DNAH8: variants seen among roughly 807,000 people sequenced by gnomAD.
DNAH8 encodes the protein axonemal beta dynein heavy chain 8.
Under a neutral mutation model 562.1 loss-of-function variants are expected in DNAH8, and 382 were observed. That is an observed-to-expected ratio of 0.68 (90% CI 0.63 to 0.74). DNAH8 has a LOEUF of 0.74. DNAH8 is among the 30% of genes least tolerant of loss of function. The pLI is 0.00. For synonymous variants in DNAH8, 1,881 were observed against 1,919.4 expected (o/e 0.98, Z 0.52); for missense variants, 5,203 against 5,620.4 (o/e 0.93, Z 2.37).
At chr6:38,923,273 C>T in intron 72 of DNAH8, 88 bp downstream of exon 72, 1 of 1,509,828 alleles carries the variant, frequency 6.6e-7, no homozygotes, top group South Asian at 1.2e-5. Flanking sequence ...TCTCTGAATC[C>T]CATCATCTAT....
chr6:38,851,636 G>A lies in DNAH8; in HGVS notation c.5428G>A (p.Glu1810Lys). ...FFFVSDPVLL[E>K]ILGQASDSHT... ...CTTTGTATCTGATCCAGTTCTCCTGGAAATTCTTGGACAAGCCAGTGATTC... is the reference window on the plus strand; with the variant it reads ...CTTTGTATCTGATCCAGTTCTCCTGAAAATTCTTGGACAAGCCAGTGATTC... Residue 1810 changes from glutamate to lysine, a missense_variant, in exon 39 of 93, where the codon GAA becomes AAA. Transcript: ENST00000327475. The A allele has an allele frequency of 6.2e-7, 1 of 1,611,784 alleles. No homozygotes were observed. The highest frequency in any genetic ancestry group is 8.5e-7 in the Non-Finnish European group (1 of 1,179,168).
intron 60 of DNAH8, 140 bp from the exon 61 acceptor site, chr6:38,898,118 G>T: frequency 1.3e-6 from 1 of 751,138 alleles, no homozygotes; most frequent in Non-Finnish European, 2.0e-6. Flanking sequence ...AGACTAATAC[G>T]TGAGAAACCT....
chr6:38,982,194 C>T (rs571406774), intron 85 of DNAH8, 152 bp from the exon 86 acceptor site: 24 of 592,492 alleles, frequency 4.1e-5, no homozygotes, highest in East Asian at 2.0e-4. Context: ...CATCATTAAG[C>T]GACATGAATG....
At chr6:38,884,066 G>A (rs1778723932) in intron 56 of DNAH8, 68 bp downstream of exon 56, 4 of 978,490 alleles carry the variant, frequency 4.1e-6, no homozygotes, top group Non-Finnish European at 5.3e-6. Flanking sequence ...TTATATATAT[G>A]TAAATGTTAA....
At chr6:38,962,373 A>C (rs1294922219) in intron 82 of DNAH8, among the ~76,000 whole-genome samples, 1 of 152,190 alleles carries the variant, frequency 6.6e-6, no homozygotes, top group African/African-American at 2.4e-5. Flanking sequence ...ATGGGGAACC[A>C]GCACCACCAG....
At chr6:38,745,485 A>T (rs1764850912) in intron 8 of DNAH8, among the ~76,000 whole-genome samples, 1 of 152,230 alleles carries the variant, frequency 6.6e-6, no homozygotes, top group Admixed American at 6.5e-5. Context: ...GTCAACCAGG[A>T]TAGTACAGAG....
At chr6:38,761,651 A>C (rs1207691317) in intron 10 of DNAH8, 51 bp from the exon 11 acceptor site, 1 of 1,067,130 alleles carries the variant, frequency 9.4e-7, no homozygotes, top group Non-Finnish European at 1.3e-6. Context: ...TTATATATAA[A>C]TGTTATTTCT....
chr6:38,794,981 T>A (rs1770092622), intron 21 of DNAH8, among the ~76,000 whole-genome samples: 1 of 152,240 alleles, frequency 6.6e-6, no homozygotes, highest in South Asian at 2.1e-4. Context: ...TTTTTAGAGT[T>A]TGTCTCTGAA....
rs749220616 is a variant in DNAH8 at position 38,715,358 on chromosome 6, G to T, written c.-92G>T. ...GCAGCTCCCCCGGGGCAGCGCAACC[G>T]CTGGGGCCGGCCTCAGTGGGCTGAG... is the stretch of plus-strand genomic sequence containing the variant. On this transcript the variant is annotated 5_prime_UTR_variant, in exon 1 of 93. Coordinates refer to ENST00000327475, the MANE Select transcript of DNAH8 (RefSeq NM_001206927.2). The T allele has an allele frequency of 6.6e-6, 1 of 152,324 alleles. No homozygotes were observed. The highest frequency in any genetic ancestry group is 2.4e-5 in the African/African-American group (1 of 41,462). The allele number at this position is 152,324 out of a possible 1,614,324, so 9.4% of individuals were successfully genotyped here.
rs780074019 is a variant in DNAH8 at position 38,931,829 on chromosome 6, G to T, written c.11293G>T (p.Glu3765Ter). ...TATGTAGGTGAAAGTCGGTGATAAG[G>T]AATGTGATATCATGGATACATTTAA... Reference protein sequence around the residue: ...TTFKVKVGDKECDIMDTFKLY... With the variant: ...TTFKVKVGDK Residue 3765 changes from glutamate (E) to a stop codon, truncating the protein, a stop_gained, in exon 76 of 93, where the codon GAA becomes TAA. Coordinates refer to ENST00000327475, the MANE Select transcript of DNAH8 (RefSeq NM_001206927.2). LOFTEE classifies it high-confidence loss of function. 1.9e-6 allele frequency: 3 copies of T among 1,582,268 alleles called. No homozygotes were observed. Among genetic ancestry groups the T allele is most frequent in the Admixed American group, 1.8e-5 (1 of 54,556 alleles).
intron 8 of DNAH8, among the ~76,000 whole-genome samples, chr6:38,742,810 T>C (rs1764622871): frequency 6.6e-6 from 1 of 152,094 alleles, no homozygotes; most frequent in Non-Finnish European, 1.5e-5. Flanking sequence ...CAACATCTTC[T>C]GTGGTATGTA....
In DNAH8 at chr6:38,959,364, C is replaced by T. The variant is rs141031541; in HGVS notation, c.12451+7844C>T. 2.6e-5 allele frequency among the ~76,000 whole-genome samples: 4 copies of T among 152,020 alleles called. No individual in the cohort carries two copies. The East Asian group carries it at 7.7e-4, about 29-fold the overall frequency. ...TCCCTATTTGTAGATGACATGTATACAGAAAACCCTACAGATGCCACCAAA... is the reference window on the plus strand; with the variant it reads ...TCCCTATTTGTAGATGACATGTATATAGAAAACCCTACAGATGCCACCAAA... On this transcript the variant is annotated intron_variant, in intron 82 of 92. Coordinates refer to ENST00000327475, the MANE Select transcript of DNAH8 (RefSeq NM_001206927.2).
Position 38,744,908 on chromosome 6 carries a change from C to T in DNAH8, c.1293+3021C>T, listed in dbSNP as rs182821233. ...CCACTGTGCCTGGCCACTTGGAGTC[C>T]TTTATATAATATGGATATTAATCAC... On this transcript the variant is annotated intron_variant, in intron 8 of 92. Coordinates refer to ENST00000327475, the MANE Select transcript of DNAH8 (RefSeq NM_001206927.2). Among the ~76,000 whole-genome samples, 6 of 152,162 alleles carry T rather than the reference C, an allele frequency of 3.9e-5. No homozygotes were observed. In the East Asian group the frequency reaches 1.2e-3, roughly 29 times the overall value.
At chr6:38,877,861 A>T (rs1778149613) in intron 53 of DNAH8, among the ~76,000 whole-genome samples, 1 of 152,136 alleles carries the variant, frequency 6.6e-6, no homozygotes. Context: ...TTTTTTTCAG[A>T]GATTGGACAA....
intron 60 of DNAH8, among the ~76,000 whole-genome samples, chr6:38,897,792 A>G (rs1779802547): frequency 6.6e-6 from 1 of 152,166 alleles, no homozygotes; most frequent in Non-Finnish European, 1.5e-5. Flanking sequence ...AAATAAAAAT[A>G]AAAATAAAGT....
chr6:38,787,282 A>G (rs1769260739), intron 18 of DNAH8, among the ~76,000 whole-genome samples: 1 of 152,150 alleles, frequency 6.6e-6, no homozygotes, highest in Non-Finnish European at 1.5e-5. Flanking sequence ...AATATTTATA[A>G]GATATAAATT....
At chr6:38,759,915 C>T (rs1430303721) in intron 10 of DNAH8, among the ~76,000 whole-genome samples, 1 of 152,168 alleles carries the variant, frequency 6.6e-6, no homozygotes, top group African/African-American at 2.4e-5. Context: ...AGCCCAATCT[C>T]TCTTTCCTGC....
chr6:38,834,536 A>C, intron 31 of DNAH8, 43 bp from the exon 32 acceptor site: 1 of 1,349,496 alleles, frequency 7.4e-7, no homozygotes, highest in South Asian at 1.3e-5. Context: ...TGACAAATAC[A>C]TATGATTAAG....
rs1776300086 is a variant in DNAH8, at chr6:38,857,580, A to G, written c.5796A>G (p.Ala1932=). Residue 1932 remains alanine (A), a synonymous_variant, in exon 42 of 93, where the codon GCA becomes GCG. Transcript: ENST00000327475. ...THDSEEALRN[A]KDDRKIMQVT... Reference sequence around the variant, plus strand: ...ATTCAGAAGAGGCTTTACGTAATGCAAAAGATGACAGGAAAATCATGCAAG... The same window carrying G: ...ATTCAGAAGAGGCTTTACGTAATGCGAAAGATGACAGGAAAATCATGCAAG... 6.2e-7 allele frequency: 1 copy of G among 1,613,988 alleles called. No individual in the cohort carries two copies. Among genetic ancestry groups the G allele is most frequent in the East Asian group, 2.2e-5 (1 of 44,818 alleles).
Sources: gnomAD v4.1 joint callset for allele counts (sites outside exome capture counted in the v4.1 genomes callset) on GRCh38, gnomAD v4.1.1 for gene constraint, MANE v1.5 for transcripts, NCBI Gene and HGNC (gene_info 2026-07-23, HGNC 2026-07-21) for gene names.